CFAP77: variants seen among roughly 807,000 people sequenced by gnomAD.
The protein encoded by CFAP77 is cilia- and flagella-associated protein 77.
Under a neutral mutation model 31.1 loss-of-function variants are expected in CFAP77, and 25 were observed. That is an observed-to-expected ratio of 0.80 (90% CI 0.59 to 1.12). CFAP77 has a LOEUF of 1.12. CFAP77 is among the 50% of genes most tolerant of loss of function. CFAP77 has a pLI of 0.00. For missense variants in CFAP77, 377 were observed against 397.3 expected (o/e 0.95, Z 0.44); for synonymous variants, 151 against 159.9 (o/e 0.94, Z 0.42).
At chr9:132,569,970 T>G (rs1057019400) in intron 5 of CFAP77, among the ~76,000 whole-genome samples, 1 of 152,020 alleles carries the variant, frequency 6.6e-6, no homozygotes, top group Non-Finnish European at 1.5e-5. Context: ...TCCTGACAAG[T>G]GATCCGCCCA....
intron 1 of CFAP77, among the ~76,000 whole-genome samples, chr9:132,411,108 C>T (rs1849989209): frequency 6.6e-6 from 1 of 152,220 alleles, no homozygotes; most frequent in Non-Finnish European, 1.5e-5. Context: ...TCCCTCCTCC[C>T]CACCTTTAGC....
Position 132,499,330 on chromosome 9 carries a change from C to A in CFAP77, c.296-42C>A. On this transcript the variant is annotated intron_variant, in intron 2 of 5. Transcript: ENST00000393216. This position sits in a 1 kb window ranked among gnomAD's most constrained non-coding sequence, Gnocchi z 5.4. The stretch of plus-strand genomic sequence containing the variant: ...GATCAGCTGCCTCAGGGTGCTTACT[C>A]CCAGGCTGACCACTGCCCCGTGGGT... 1.3e-6 allele frequency: 2 copies of A among 1,590,790 alleles called. No homozygotes were observed. Among genetic ancestry groups the A allele is most frequent in the Non-Finnish European group, 1.7e-6 (2 of 1,162,010 alleles).
At chr9:132,463,326 T>G (rs1851092795) in intron 1 of CFAP77, among the ~76,000 whole-genome samples, 1 of 151,912 alleles carries the variant, frequency 6.6e-6, no homozygotes, top group Non-Finnish European at 1.5e-5. Context: ...GGTTTTAGAG[T>G]GTAGAAAACC....
rs376083515 is a variant in CFAP77 at position 132,480,915 on chromosome 9, C to T, written c.196-17780C>T. 3.3e-5 allele frequency among the ~76,000 whole-genome samples: 5 copies of T among 152,042 alleles called. No individual in the cohort carries two copies. Among genetic ancestry groups the T allele is most frequent in the South Asian group, 2.1e-4 (1 of 4,820 alleles). On this transcript the variant is annotated intron_variant, in intron 1 of 5. Transcript: ENST00000393216. The surrounding 1 kb of genome is among the most constrained non-coding windows in gnomAD (Gnocchi z 5.8). ...GAGCAGAGGTGCCCCCATTGTGGTC[C>T]GGGGGCCCCTGTTATCAAAACAAGC...
intron 1 of CFAP77, among the ~76,000 whole-genome samples, chr9:132,452,164 C>T (rs955040005): frequency 1.3e-5 from 2 of 152,176 alleles, no homozygotes; most frequent in Admixed American, 6.5e-5. Flanking sequence ...CATTAGGGCT[C>T]CCCTTGCTGT....
At position 132,542,973 on chromosome 9, in the gene CFAP77, C is replaced by T. The variant is rs201630263; in HGVS notation, c.658C>T (p.Arg220Trp). Residue 220 changes from arginine to tryptophan, a missense_variant, in exon 5 of 6, where the codon CGG becomes TGG. Arg to Trp is a moderately radical substitution (Grantham distance 101, BLOSUM62 -3). Transcript: ENST00000393216. ...GGTCCTTGGGAAGCTGTATGAGACC[C>T]GGAGCAGTCAGCTGAGGAAGTACAA... ...KVVLGKLYETRSSQLRKYKPP... is the reference protein window; with the variant it reads ...KVVLGKLYETWSSQLRKYKPP... 4.0e-5 allele frequency: 64 copies of T among 1,613,996 alleles called. No individual in the cohort carries two copies. Among genetic ancestry groups the T allele is most frequent in the Non-Finnish European group, 2.2e-5 (26 of 1,180,000 alleles).
intron 3 of CFAP77, among the ~76,000 whole-genome samples, chr9:132,523,671 T>A (rs1161319756): frequency 6.6e-6 from 1 of 152,264 alleles, no homozygotes; most frequent in African/African-American, 2.4e-5. Flanking sequence ...AAGGGTTGAC[T>A]TCTTTCCCGG....
chr9:132,474,586 G>A (rs1851316432), intron 1 of CFAP77, among the ~76,000 whole-genome samples: 1 of 152,260 alleles, frequency 6.6e-6, no homozygotes, highest in East Asian at 1.9e-4. Flanking sequence ...GGACCAGGGG[G>A]GGAATGCACA....
chr9:132,484,343 C>T (rs1008519140), intron 1 of CFAP77, among the ~76,000 whole-genome samples: 1 of 152,274 alleles, frequency 6.6e-6, no homozygotes, highest in East Asian at 1.9e-4. Context: ...CAACCATCAC[C>T]CCTCTCTAAT....
chr9:132,537,421 A>C (rs1051130312), intron 3 of CFAP77, among the ~76,000 whole-genome samples, 180 bp from the exon 4 acceptor site: 4 of 152,158 alleles, frequency 2.6e-5, no homozygotes, highest in African/African-American at 9.7e-5. Context: ...ACCACTCATC[A>C]GCCTATGTGA....
chr9:132,514,204 AGAGT>A (rs1852102598), intron 3 of CFAP77, among the ~76,000 whole-genome samples: 2 of 151,060 alleles, frequency 1.3e-5, no homozygotes, highest in African/African-American at 4.9e-5. Flanking sequence ...ACCACGAGTG[AGAGT>A]GAGGGGACGC....
chr9:132,425,101 T>A (rs1158806791), intron 1 of CFAP77, among the ~76,000 whole-genome samples: 1 of 152,184 alleles, frequency 6.6e-6, no homozygotes, highest in East Asian at 1.9e-4. Flanking sequence ...TTACCCTGCC[T>A]TGTCAGCGTG....
chr9:132,522,172 G>T (rs1468878097), intron 3 of CFAP77, among the ~76,000 whole-genome samples: 1 of 152,152 alleles, frequency 6.6e-6, no homozygotes, highest in Non-Finnish European at 1.5e-5. Context: ...GAAAGTCTGG[G>T]GTCCTATATG....
chr9:132,462,480 C>T (rs1851068769), intron 1 of CFAP77, among the ~76,000 whole-genome samples: 2 of 152,108 alleles, frequency 1.3e-5, no homozygotes, highest in African/African-American at 4.8e-5. Flanking sequence ...CTTCTGTGCC[C>T]CCACTCCAAC....
intron 1 of CFAP77, among the ~76,000 whole-genome samples, chr9:132,414,126 C>T (rs1165512763): frequency 6.6e-6 from 1 of 152,228 alleles, no homozygotes; most frequent in Admixed American, 6.5e-5. Context: ...CAATGACAAT[C>T]CAGATTGGTG....
intron 1 of CFAP77, chr9:132,421,510 A>G (rs576549844): frequency 1.3e-5 from 2 of 152,378 alleles, no homozygotes; most frequent in East Asian, 3.9e-4. Context: ...CACTAGTTTC[A>G]TGGTAAATCA....
intron 5 of CFAP77, among the ~76,000 whole-genome samples, chr9:132,548,289 T>A (rs1467454327): frequency 6.9e-6 from 1 of 144,278 alleles, no homozygotes; most frequent in African/African-American, 2.5e-5. Context: ...GGGTGGGGGG[T>A]GAAGCTGATT....
At chr9:132,485,985 CATATATATATATAT>C (rs61265124) in intron 1 of CFAP77, among the ~76,000 whole-genome samples, 39 of 53,564 alleles carry the variant, frequency 7.3e-4, no homozygotes, top group South Asian at 1.4e-3. Context: ...ACACACACCT[CATATATATATATAT>C]ATATATATAT....
chr9:132,475,850 T>G (rs954475117), intron 1 of CFAP77, among the ~76,000 whole-genome samples: 1 of 152,134 alleles, frequency 6.6e-6, no homozygotes, highest in African/African-American at 2.4e-5. Context: ...TTTCCCAAAC[T>G]GCAGTACTGA....
Sources: allele counts gnomAD v4.1 joint callset (sites outside exome capture counted in the v4.1 genomes callset), GRCh38; gene constraint gnomAD v4.1.1; non-coding constraint Gnocchi (gnomAD v3.1); transcripts MANE v1.5; gene names NCBI Gene and HGNC (gene_info 2026-07-23, HGNC 2026-07-21).